Variants in ACVR1B observed in about 807,000 individuals in gnomAD.
ACVR1B encodes the protein activin receptor type-1B.
In ACVR1B, 15 loss-of-function variants were observed where a neutral mutation model predicts 55.6. The ratio of observed to expected loss-of-function variants is 0.27; its 90% confidence interval spans 0.18 to 0.42. The LOEUF (loss-of-function observed/expected upper bound fraction) is 0.42. Ranked by LOEUF, ACVR1B falls within the 10% of genes least tolerant of loss-of-function variation. The pLI is 1.00. For synonymous variants in ACVR1B, 247 were observed against 254.6 expected, an observed-to-expected ratio of 0.97 and a Z score of 0.28; for missense variants, 359 against 670.1, an observed-to-expected ratio of 0.54 and a Z score of 5.13.
At chr12:51,989,223 G>T (rs547255675) in intron 7 of ACVR1B, among the ~76,000 whole-genome samples, 1 of 152,206 alleles carries the variant, frequency 6.6e-6, no homozygotes, top group Non-Finnish European at 1.5e-5. Context: ...AGACAGCAGG[G>T]TTTTTTTGTT....
At chr12:51,987,249 C>T (rs1182208654) in intron 7 of ACVR1B, 6 of 628,174 alleles carry the variant, frequency 9.6e-6, no homozygotes, top group Admixed American at 2.7e-5. Flanking sequence ...GCGCATAGCA[C>T]GGGATTCATG....
chr12:51,996,137 C>T lies in ACVR1B; in HGVS notation c.*2027C>T, dbSNP rs1328022353. ...AAGAAAGAGGAACCCCCACAACCCCCTCCACAAAGAGACCAGGGGCGGGTG... is the reference window on the plus strand; with the variant it reads ...AAGAAAGAGGAACCCCCACAACCCCTTCCACAAAGAGACCAGGGGCGGGTG... On this transcript the variant is annotated 3_prime_UTR_variant, in exon 9 of 9. Transcript: ENST00000257963. 6.6e-6 allele frequency: 1 copy of T among 152,438 alleles called. No individual in the cohort carries two copies. Among genetic ancestry groups the T allele is most frequent in the East Asian group, 1.9e-4 (1 of 5,206 alleles). The allele number at this position is 152,438 out of a possible 1,614,324, so 9.4% of individuals were successfully genotyped here. A position where few individuals can be genotyped will look rare whatever the true frequency, so the allele number is the denominator to read the frequency against.
intron 1 of ACVR1B, among the ~76,000 whole-genome samples, chr12:51,965,827 A>T (rs1489069571): frequency 3.3e-5 from 5 of 152,252 alleles, no homozygotes; most frequent in Admixed American, 6.5e-5. Context: ...TCCTTAGGAT[A>T]CGCAGTCTTA....
rs1001800251 is a variant in ACVR1B at position 51,996,136 on chromosome 12, C to T, written c.*2026C>T. On this transcript the variant is annotated 3_prime_UTR_variant, in exon 9 of 9. Transcript: ENST00000257963. The stretch of plus-strand genomic sequence containing the variant: ...GAAGAAAGAGGAACCCCCACAACCC[C>T]CTCCACAAAGAGACCAGGGGCGGGT... 2.0e-5 allele frequency: 3 copies of T among 152,444 alleles called. No homozygotes were observed. The highest frequency in any genetic ancestry group is 7.2e-5 in the African/African-American group (3 of 41,448). The allele number at this position is 152,444 out of a possible 1,614,324, so 9.4% of individuals were successfully genotyped here.
In ACVR1B at chr12:51,994,051, G is replaced by A; in HGVS notation, c.1459G>A (p.Ala487Thr). The A allele has an allele frequency of 1.2e-6, 2 of 1,614,098 alleles. No homozygotes were observed. The highest frequency in any genetic ancestry group is 1.7e-5 in the Admixed American group (1 of 60,030). The change falls in exon 9 of 9, where the codon GCC (alanine) becomes ACC (threonine). Residue 487 changes from alanine to threonine, a missense_variant. Ala to Thr is a moderately conservative substitution (Grantham distance 58). Around this residue, in one of 5 missense-constraint regions of ACVR1B, gnomAD observed 53 missense variants for 78.5 expected, o/e 0.68. Coordinates refer to ENST00000257963, the MANE Select transcript of ACVR1B (RefSeq NM_004302.5). This position sits in a 1 kb window ranked among gnomAD's most constrained non-coding sequence, Gnocchi z 4.2. ...TGCCAACGGCGCAGCCCGCCTGACG[G>A]CCCTGCGCATCAAGAAGACCCTCTC... Reference protein sequence around the residue: ...WYANGAARLTALRIKKTLSQL... With the variant: ...WYANGAARLTTLRIKKTLSQL...
rs143166498 is a variant in ACVR1B at position 51,991,912 on chromosome 12, C to T, written c.1311C>T (p.Asp437=). The T allele has an allele frequency of 8.9e-5, 143 of 1,614,170 alleles. No homozygotes were observed. In the African/African-American group the frequency reaches 1.2e-3, roughly 13 times the overall value. The change falls in exon 8 of 9, where the codon GAC becomes GAT. Residue 437 remains aspartate (D), a synonymous_variant. Coordinates refer to ENST00000257963, the MANE Select transcript of ACVR1B (RefSeq NM_004302.5). The part of the protein sequence containing the change: ...QLPYYDLVPS[D]PSIEEMRKVV... ...CATATTACGACTTAGTGCCCTCTGA[C>T]CCTTCCATTGAGGAAATGCGAAAGG...
At chr12:51,968,321 A>C (rs1941679595) in intron 1 of ACVR1B, among the ~76,000 whole-genome samples, 1 of 152,264 alleles carries the variant, frequency 6.6e-6, no homozygotes, top group Non-Finnish European at 1.5e-5. Context: ...AACAAGTTGT[A>C]GATGTTAGAT....
intron 1 of ACVR1B, among the ~76,000 whole-genome samples, chr12:51,973,153 A>G (rs983415562): frequency 5.3e-5 from 8 of 152,244 alleles, no homozygotes; most frequent in African/African-American, 4.8e-5. Flanking sequence ...CGAAATAAGC[A>G]TAAGTATCTG....
intron 1 of ACVR1B, 81 bp from the exon 2 acceptor site, chr12:51,975,184 G>C: frequency 6.5e-7 from 1 of 1,540,388 alleles, no homozygotes; most frequent in Non-Finnish European, 8.7e-7. Context: ...AGTATGCTAA[G>C]GGATTATATT....
chr12:51,981,112 C>T lies in ACVR1B; in HGVS notation c.724C>T (p.Arg242Trp), dbSNP rs1243575055. The T allele has an allele frequency of 1.9e-6, 3 of 1,614,094 alleles. No individual in the cohort carries two copies. Among genetic ancestry groups the T allele is most frequent in the Non-Finnish European group, 2.5e-6 (3 of 1,180,028 alleles). ...AVKIFSSREERSWFREAEIYQ... is the reference protein window; with the variant it reads ...AVKIFSSREEWSWFREAEIYQ... The stretch of plus-strand genomic sequence containing the variant: ...GAAAATATTCTCTTCTCGTGAAGAA[C>T]GGTCTTGGTTCAGGGAAGCAGAGAT... Residue 242 changes from arginine to tryptophan, a missense_variant, in exon 4 of 9, where the codon CGG becomes TGG. Transcript: ENST00000257963.
At chr12:51,976,805 C>T (rs533411260) in intron 3 of ACVR1B, among the ~76,000 whole-genome samples, 22 of 152,312 alleles carry the variant, frequency 1.4e-4, no homozygotes, top group African/African-American at 5.3e-4. Context: ...ACACAATTAT[C>T]CACTACAGAA....
rs571845572 is a variant in ACVR1B at position 51,978,992 on chromosome 12, C to A, written c.581-1977C>A. On this transcript the variant is annotated intron_variant, in intron 3 of 8. Transcript: ENST00000257963. ...CAGCCTGACTAACATGGTGAAACCT[C>A]GTCTCTACTAAATACAAAAAATTAG... Among the ~76,000 whole-genome samples the A allele has an allele frequency of 4.6e-5, 7 of 151,220 alleles. No individual in the cohort carries two copies. The South Asian group carries it at 1.5e-3, about 32-fold the overall frequency.
chr12:51,974,813 A>G lies in ACVR1B; in HGVS notation c.92-452A>G, dbSNP rs867022076. Among the ~76,000 whole-genome samples the G allele has an allele frequency of 5.3e-5, 8 of 152,322 alleles. No homozygotes were observed. The Middle Eastern group carries it at 0.014, about 259-fold the overall frequency. ...TTTGAAGGATATGTAAGAAGTAGGC[A>G]GGAAAAAAGCATTGCAGCAAAAGAA... On this transcript the variant is annotated intron_variant, in intron 1 of 8. Transcript: ENST00000257963.
intron 3 of ACVR1B, among the ~76,000 whole-genome samples, chr12:51,976,920 G>A (rs1418220300): frequency 1.3e-5 from 2 of 152,168 alleles, no homozygotes; most frequent in African/African-American, 4.8e-5. Flanking sequence ...TTGAGAAACA[G>A]GAGTGTGCCA....
Position 51,986,863 on chromosome 12 carries a change from C to T in ACVR1B, c.1182C>T (p.His394=). Residue 394 remains histidine (H), a synonymous_variant, in exon 7 of 9, where the codon CAC becomes CAT. Coordinates refer to ENST00000257963, the MANE Select transcript of ACVR1B (RefSeq NM_004302.5). Reference sequence around the variant, plus strand: ...TTGATGAAACCATTAATATGAAACACTTTGACTCCTTTAAATGTGCTGATA... The same window carrying T: ...TTGATGAAACCATTAATATGAAACATTTTGACTCCTTTAAATGTGCTGATA... ...EVLDETINMK[H]FDSFKCADIY... is the part of the protein sequence containing the mutation. 6.2e-7 allele frequency: 1 copy of T among 1,614,154 alleles called. No individual in the cohort carries two copies. The highest frequency in any genetic ancestry group is 8.5e-7 in the Non-Finnish European group (1 of 1,180,008).
chr12:51,987,767 A>G (rs1313831779), intron 7 of ACVR1B: 5 of 152,632 alleles, frequency 3.3e-5, no homozygotes, highest in Non-Finnish European at 5.9e-5. Flanking sequence ...TATTTTTTAA[A>G]GACCTAGTAT....
chr12:51,991,133 CT>C (rs984933131), intron 7 of ACVR1B, among the ~76,000 whole-genome samples: 59 of 152,324 alleles, frequency 3.9e-4, no homozygotes, highest in African/African-American at 1.1e-3. Flanking sequence ...ATACTTGATT[CT>C]TTCCACTTAT....
At chr12:51,990,048 C>T (rs1942159160) in intron 7 of ACVR1B, among the ~76,000 whole-genome samples, 1 of 151,946 alleles carries the variant, frequency 6.6e-6, no homozygotes, top group Admixed American at 6.6e-5. Flanking sequence ...AATCCCAGCA[C>T]TTTGGGAGGC....
At chr12:51,952,146 C>G (rs1174934403) in intron 1 of ACVR1B, among the ~76,000 whole-genome samples, 5 of 151,984 alleles carry the variant, frequency 3.3e-5, no homozygotes, top group Admixed American at 1.3e-4. Flanking sequence ...GTCTGAGCCT[C>G]CAGCTCCAAG....
Sources: gnomAD v4.1 joint callset for allele counts (sites outside exome capture counted in the v4.1 genomes callset) on GRCh38, gnomAD v4.1.1 for gene constraint, gnomAD v4.1.1 regional missense constraint, Gnocchi (gnomAD v3.1) non-coding constraint, MANE v1.5 for transcripts, NCBI Gene and HGNC (gene_info 2026-07-23, HGNC 2026-07-21) for gene names.